ITSN1: variants seen among roughly 807,000 people sequenced by gnomAD.
ITSN1 encodes the protein intersectin 1, also known as intersectin-1.
In ITSN1, 58 loss-of-function variants were observed where a neutral mutation model predicts 239.8. The ratio of observed to expected loss-of-function variants is 0.24; its 90% CI spans 0.20 to 0.30. The LOEUF (loss-of-function observed/expected upper bound fraction) is 0.30, where lower values mean the gene tolerates loss of function less well. ITSN1 is among the 10% of genes least tolerant of loss of function. ITSN1 has a pLI of 1.00. For synonymous variants in ITSN1, 780 were observed against 770.8 expected (o/e 1.01, Z -0.20); for missense variants, 1,558 against 2,103.3 (o/e 0.74, Z 5.07).
intron 1 of ITSN1, among the ~76,000 whole-genome samples, chr21:33,653,615 C>T (rs1002005640): frequency 8.6e-5 from 13 of 151,970 alleles, no homozygotes; most frequent in East Asian, 3.9e-4. Flanking sequence ...CTCCACCTCC[C>T]GGGATCATGC....
chr21:33,649,372 C>G (rs1311641934), intron 1 of ITSN1, among the ~76,000 whole-genome samples: 1 of 152,166 alleles, frequency 6.6e-6, no homozygotes, highest in Non-Finnish European at 1.5e-5. Flanking sequence ...AGTTTTGTTC[C>G]TAAAGTTCGT....
chr21:33,645,001 T>C (rs2087805186), intron 1 of ITSN1, among the ~76,000 whole-genome samples: 1 of 151,990 alleles, frequency 6.6e-6, no homozygotes, highest in Non-Finnish European at 1.5e-5. Flanking sequence ...TTAAAATTTT[T>C]TCTAGAGACA....
At chr21:33,825,109 C>A (rs573997628) in intron 25 of ITSN1, among the ~76,000 whole-genome samples, 1 of 152,078 alleles carries the variant, frequency 6.6e-6, no homozygotes, top group East Asian at 1.9e-4. Flanking sequence ...AGTTAAAATA[C>A]GAAAGCCATT....
At chr21:33,829,473 T>C (rs1602488645) in intron 26 of ITSN1, 151 bp from the exon 27 acceptor site, 2 of 785,284 alleles carry the variant, frequency 2.5e-6, no homozygotes, top group Non-Finnish European at 4.1e-6. Context: ...GAACGGGCGA[T>C]TCAGGGAGCC....
At chr21:33,807,175 A>G (rs1332287871) in intron 20 of ITSN1, among the ~76,000 whole-genome samples, 1 of 152,240 alleles carries the variant, frequency 6.6e-6, no homozygotes. Context: ...TTTCACTGTT[A>G]TCCTTAGGGA....
intron 9 of ITSN1, among the ~76,000 whole-genome samples, chr21:33,762,691 T>C (rs1439033461): frequency 6.6e-6 from 1 of 151,884 alleles, no homozygotes; most frequent in Non-Finnish European, 1.5e-5. Context: ...ACTTTTGAGA[T>C]GGAGTCTCAC....
Position 33,684,651 on chromosome 21 carries a change from G to A in ITSN1, c.-32-34146G>A, listed in dbSNP as rs193232577. On this transcript the variant is annotated intron_variant, in intron 1 of 39. Transcript: ENST00000381318. ...TTAGGATGAGGGAAAAAAATGACCC[G>A]TCATTCTTTTAAATCAGGTTTAATT... is the stretch of plus-strand genomic sequence containing the variant. 1.3e-3 allele frequency among the ~76,000 whole-genome samples: 197 copies of A among 152,034 alleles called. 1 individual carries two copies. Among genetic ancestry groups the A allele is most frequent in the African/African-American group, 4.4e-3 (184 of 41,484 alleles).
At chr21:33,786,241 T>C (rs996330807) in intron 16 of ITSN1, among the ~76,000 whole-genome samples, 1 of 152,212 alleles carries the variant, frequency 6.6e-6, no homozygotes, top group Non-Finnish European at 1.5e-5. Flanking sequence ...GTGGGTAAAA[T>C]TTATTTACCA....
At chr21:33,699,404 C>A (rs1054361210) in intron 1 of ITSN1, among the ~76,000 whole-genome samples, 1 of 152,122 alleles carries the variant, frequency 6.6e-6, no homozygotes, top group African/African-American at 2.4e-5. Context: ...GGAAGGGACA[C>A]CATTCAGTGG....
At chr21:33,766,114 G>A in intron 10 of ITSN1, 102 bp downstream of exon 10, 1 of 1,243,472 alleles carries the variant, frequency 8.0e-7, no homozygotes, top group East Asian at 2.4e-5. Context: ...TCCCTGACAA[G>A]GAAACTAAGT....
In ITSN1 at chr21:33,892,729, C is replaced by T. The variant is rs1602744784; in HGVS notation, c.*4429C>T. On this transcript the variant is annotated 3_prime_UTR_variant, in exon 40 of 40. Coordinates refer to ENST00000381318, the MANE Select transcript of ITSN1 (RefSeq NM_003024.3). ...GTAGACACTCAGTTCATTTTAGGGA[C>T]GTTCAATGCTTGATCAAATGGGGGG... 1 of 152,200 alleles carries T rather than the reference C, an allele frequency of 6.6e-6. No homozygotes were observed. The highest frequency in any genetic ancestry group is 2.1e-4 in the South Asian group (1 of 4,826). 9.4% of individuals were successfully genotyped at this position (152,200 alleles called of 1,614,324 possible). A position where few individuals can be genotyped will look rare whatever the true frequency, so the allele number is the denominator to read the frequency against.
chr21:33,783,884 G>T (rs940869883), intron 16 of ITSN1, among the ~76,000 whole-genome samples: 3 of 152,120 alleles, frequency 2.0e-5, no homozygotes, highest in Admixed American at 2.0e-4. Flanking sequence ...TGATACTCTA[G>T]TGAGAGGCTT....
chr21:33,668,395 A>AG (rs2146341571), intron 1 of ITSN1, among the ~76,000 whole-genome samples: 1 of 152,342 alleles, frequency 6.6e-6, no homozygotes, highest in Admixed American at 6.5e-5. Flanking sequence ...TGCCATGAGG[A>AG]GTAAGCCAGT....
At chr21:33,822,991 G>A (rs2073776723) in intron 24 of ITSN1, among the ~76,000 whole-genome samples, 1 of 152,168 alleles carries the variant, frequency 6.6e-6, no homozygotes, top group Non-Finnish European at 1.5e-5. Context: ...TTATGCGAAG[G>A]ATATATGCTA....
intron 5 of ITSN1, among the ~76,000 whole-genome samples, chr21:33,739,602 A>G (rs1290873992): frequency 6.6e-6 from 1 of 152,238 alleles, no homozygotes; most frequent in Non-Finnish European, 1.5e-5. Flanking sequence ...GAGAGAAACC[A>G]GTAGAACAAG....
At chr21:33,728,351 G>C (rs1262353092) in intron 4 of ITSN1, among the ~76,000 whole-genome samples, 1 of 152,080 alleles carries the variant, frequency 6.6e-6, no homozygotes, top group Non-Finnish European at 1.5e-5. Flanking sequence ...TCCTGCCTCA[G>C]CCTCCCGAGT....
chr21:33,808,663 T>C (rs1243648738), intron 20 of ITSN1, among the ~76,000 whole-genome samples: 1 of 152,120 alleles, frequency 6.6e-6, no homozygotes, highest in Non-Finnish European at 1.5e-5. Context: ...GTGAGCATTA[T>C]AATAAGACAG....
chr21:33,858,364 T>A (rs1376343486), intron 30 of ITSN1, among the ~76,000 whole-genome samples: 1 of 152,236 alleles, frequency 6.6e-6, no homozygotes, highest in East Asian at 1.9e-4. Context: ...AGTGCGCAGG[T>A]GAGACCGCTT....
rs749552066 is a variant in ITSN1 at position 33,755,247 on chromosome 21, GC to G, written c.624-49del. On this transcript the variant is annotated intron_variant, in intron 7 of 39. Coordinates refer to ENST00000381318, the MANE Select transcript of ITSN1 (RefSeq NM_003024.3). The stretch of plus-strand genomic sequence containing the variant: ...TACTGTCATTAAGGAACTTTACCAG[GC>G]TGTTCCTTATGGATAATCCTCTTTC... 1.3e-5 allele frequency: 14 copies of G among 1,051,038 alleles called. No homozygotes were observed. The Middle Eastern group carries it at 6.2e-4, about 46-fold the overall frequency. The allele number at this position is 1,051,038 out of a possible 1,614,324, so 65.1% of individuals were successfully genotyped here. A position where few individuals can be genotyped will look rare whatever the true frequency, so the allele number is the denominator to read the frequency against.
Sources: allele counts gnomAD v4.1 joint callset (sites outside exome capture counted in the v4.1 genomes callset), GRCh38; gene constraint gnomAD v4.1.1; transcripts MANE v1.5; gene names NCBI Gene and HGNC (gene_info 2026-07-23, HGNC 2026-07-21).